The following MAGI1 variants were observed in gnomAD, a reference collection of about 807,000 sequenced individuals.
The protein encoded by MAGI1 is membrane associated guanylate kinase, WW and PDZ domain containing 1.
MAGI1 carries 58 observed loss-of-function variants against 139.9 expected under a neutral mutation model. The observed-to-expected ratio is 0.41, with a 90% CI of 0.34 to 0.52. The LOEUF is 0.52. Among genes scored for constraint, MAGI1 ranks in the 20% least tolerant of loss-of-function variants. The pLI, the probability that MAGI1 is intolerant of heterozygous loss-of-function variation, is 0.12. For missense variants in MAGI1, 1,874 were observed against 1,901.6 expected, an observed-to-expected ratio of 0.99 and a Z score of 0.27; for synonymous variants, 812 against 737.9, an observed-to-expected ratio of 1.10 and a Z score of -1.63.
chr3:65,967,329 A>C (rs920091764), intron 1 of MAGI1, among the ~76,000 whole-genome samples: 2 of 152,212 alleles, frequency 1.3e-5, no homozygotes, highest in African/African-American at 4.8e-5. Context: ...AATTTTTCAT[A>C]AGAAAACATC....
chr3:65,745,534 A>T (rs1201763124), intron 1 of MAGI1, among the ~76,000 whole-genome samples: 1 of 152,246 alleles, frequency 6.6e-6, no homozygotes, highest in Admixed American at 6.5e-5. Context: ...ACATAAGAAG[A>T]CAGCATCTGT....
At chr3:65,361,071 AT>A (rs1398331195) in intron 22 of MAGI1, 127 bp downstream of exon 22, 45 of 1,568,544 alleles carry the variant, frequency 2.9e-5, no homozygotes, top group Non-Finnish European at 3.5e-5. Context: ...AAATAATCAC[AT>A]GGTGCGAGAG....
At chr3:65,896,385 AG>A (rs2060971475) in intron 1 of MAGI1, among the ~76,000 whole-genome samples, 1 of 152,220 alleles carries the variant, frequency 6.6e-6, no homozygotes, top group South Asian at 2.1e-4. Flanking sequence ...TTTAGGAAGA[AG>A]AAAAAACGAC....
At position 65,969,875 on chromosome 3, in the gene MAGI1, C is replaced by T. The variant is rs974435951; in HGVS notation, c.313+68121G>A. Among the ~76,000 whole-genome samples the T allele has an allele frequency of 7.0e-4, 106 of 152,160 alleles. 1 individual carries two copies. Among genetic ancestry groups the T allele is most frequent in the Admixed American group, 3.3e-4 (5 of 15,284 alleles). On this transcript the variant is annotated intron_variant, in intron 1 of 22. Coordinates refer to ENST00000402939, the MANE Select transcript of MAGI1 (RefSeq NM_001033057.2). ...AATAGACACATGTAACCCTCGACCACCTAACAGCACAGCTCTAAGTACTGA... is the reference window on the plus strand; with the variant it reads ...AATAGACACATGTAACCCTCGACCATCTAACAGCACAGCTCTAAGTACTGA...
At chr3:65,679,452 C>G (rs1418997012) in intron 1 of MAGI1, among the ~76,000 whole-genome samples, 1 of 152,084 alleles carries the variant, frequency 6.6e-6, no homozygotes, top group Non-Finnish European at 1.5e-5. Context: ...AATCCCAGCA[C>G]TTTGGGAGGC....
At chr3:65,502,625 C>A (rs939682054) in intron 2 of MAGI1, among the ~76,000 whole-genome samples, 3 of 152,152 alleles carry the variant, frequency 2.0e-5, no homozygotes, top group South Asian at 2.1e-4. Context: ...CAGACAGCTG[C>A]CTTTTTGCTG....
chr3:65,360,222 G>A lies in MAGI1; in HGVS notation c.3634+977C>T, dbSNP rs1261113706. 4 of 985,228 alleles carry A rather than the reference G, an allele frequency of 4.1e-6. No homozygotes were observed. The East Asian group carries it at 4.5e-4, about 112-fold the overall frequency. The allele number at this position is 985,228 out of a possible 1,614,324, so 61.0% of individuals were successfully genotyped here. Reference sequence around the variant, plus strand: ...GTGCAGAATGACTTTCAGAAAAGAGGGTGATAATAGATAAATCCCTAATAA... The same window carrying A: ...GTGCAGAATGACTTTCAGAAAAGAGAGTGATAATAGATAAATCCCTAATAA... On this transcript the variant is annotated intron_variant, in intron 22 of 22. Coordinates refer to ENST00000402939, the MANE Select transcript of MAGI1 (RefSeq NM_001033057.2).
At chr3:65,815,920 T>TC (rs1280061850) in intron 1 of MAGI1, among the ~76,000 whole-genome samples, 1 of 152,062 alleles carries the variant, frequency 6.6e-6, no homozygotes, top group Non-Finnish European at 1.5e-5. Context: ...TCTAACATAC[T>TC]CCACTGCCTC....
At chr3:65,382,528 C>T (rs528414430) in intron 15 of MAGI1, among the ~76,000 whole-genome samples, 36 of 152,308 alleles carry the variant, frequency 2.4e-4, no homozygotes, top group African/African-American at 8.7e-4. Context: ...TGGACATCTC[C>T]ATTTTTGAAG....
intron 4 of MAGI1, among the ~76,000 whole-genome samples, chr3:65,475,538 C>G (rs916088688): frequency 3.9e-5 from 6 of 152,164 alleles, no homozygotes; most frequent in African/African-American, 1.4e-4. Context: ...CTAATAAACA[C>G]AATATTTTTG....
chr3:65,959,310 G>A (rs936822279), intron 1 of MAGI1, among the ~76,000 whole-genome samples: 5 of 152,094 alleles, frequency 3.3e-5, no homozygotes, highest in East Asian at 1.9e-4. Flanking sequence ...TTTCCTACTT[G>A]CCCTTTACTC....
chr3:65,555,870 C>CA (rs929709679), intron 2 of MAGI1, among the ~76,000 whole-genome samples: 6 of 152,116 alleles, frequency 3.9e-5, no homozygotes, highest in African/African-American at 1.4e-4. Flanking sequence ...AACAAACAAA[C>CA]AAAAAACCAA....
At chr3:65,968,889 T>C (rs2064885455) in intron 1 of MAGI1, among the ~76,000 whole-genome samples, 1 of 152,206 alleles carries the variant, frequency 6.6e-6, no homozygotes, top group South Asian at 2.1e-4. Context: ...GTAAGTTTCA[T>C]GCAATTAAAT....
At chr3:65,427,672 C>T (rs1265941158) in intron 12 of MAGI1, among the ~76,000 whole-genome samples, 1 of 152,166 alleles carries the variant, frequency 6.6e-6, no homozygotes, top group Admixed American at 6.5e-5. Flanking sequence ...TAGGGCAGAA[C>T]ATTGGACTGG....
intron 16 of MAGI1, 32 bp downstream of exon 16, chr3:65,381,845 G>A (rs988845766): frequency 6.4e-6 from 10 of 1,558,736 alleles, no homozygotes; most frequent in Middle Eastern, 1.9e-4. Flanking sequence ...AAGTGACAAC[G>A]CACTGTCTGA....
In MAGI1 at chr3:65,869,844, C is replaced by T. The variant is rs142904515; in HGVS notation, c.313+168152G>A. On this transcript the variant is annotated intron_variant, in intron 1 of 22. Coordinates refer to ENST00000402939, the MANE Select transcript of MAGI1 (RefSeq NM_001033057.2). ...CTCACATTCCTCACCTGCAATTAAG[C>T]GGTTGTAGTGCTGCTTATTTCATGA... 2.1e-3 allele frequency among the ~76,000 whole-genome samples: 313 copies of T among 152,216 alleles called. 2 individuals are homozygous for T. Among genetic ancestry groups the T allele is most frequent in the African/African-American group, 6.9e-3 (287 of 41,510 alleles).
chr3:65,952,421 G>A (rs556253409), intron 1 of MAGI1, among the ~76,000 whole-genome samples: 6 of 152,324 alleles, frequency 3.9e-5, no homozygotes, highest in African/African-American at 1.4e-4. Flanking sequence ...ACAGCAAGGA[G>A]TGTATATTTA....
chr3:65,568,284 A>C (rs2080771718), intron 2 of MAGI1, among the ~76,000 whole-genome samples: 1 of 152,164 alleles, frequency 6.6e-6, no homozygotes, highest in Non-Finnish European at 1.5e-5. Flanking sequence ...TGGCAATAAA[A>C]ATAAAATATT....
At position 65,960,937 on chromosome 3, in the gene MAGI1, G is replaced by A. The variant is rs139034613; in HGVS notation, c.313+77059C>T. On this transcript the variant is annotated intron_variant, in intron 1 of 22. Coordinates refer to ENST00000402939, the MANE Select transcript of MAGI1 (RefSeq NM_001033057.2). ...CACTCTTATTTACTTTCTGTACCTTGGCTCTAAGCTATAAGTTCATCTGTC... is the reference window on the plus strand; with the variant it reads ...CACTCTTATTTACTTTCTGTACCTTAGCTCTAAGCTATAAGTTCATCTGTC... 2.4e-3 allele frequency among the ~76,000 whole-genome samples: 358 copies of A among 152,302 alleles called. 1 individual carries two copies. The highest frequency in any genetic ancestry group is 0.017 in the Middle Eastern group (5 of 294).
Sources: gnomAD v4.1 joint callset for allele counts (sites outside exome capture counted in the v4.1 genomes callset) on GRCh38, gnomAD v4.1.1 for gene constraint, MANE v1.5 for transcripts, NCBI Gene and HGNC (gene_info 2026-07-23, HGNC 2026-07-21) for gene names.